FRAS1: variants seen among roughly 807,000 people sequenced by gnomAD.
The protein encoded by FRAS1 is extracellular matrix organizing protein FRAS1.
Under a neutral mutation model 435.2 loss-of-function variants are expected in FRAS1, and 290 were observed. That is an observed-to-expected ratio of 0.67 (90% CI 0.61 to 0.73). The LOEUF (loss-of-function observed/expected upper bound fraction) is 0.73. Among genes scored for constraint, FRAS1 ranks in the 30% least tolerant of loss-of-function variants. FRAS1 has a pLI of 0.00. For missense variants in FRAS1, 4,860 were observed against 5,001.5 expected (o/e 0.97, Z 0.85); for synonymous variants, 1,800 against 1,851.0 (o/e 0.97, Z 0.71).
intron 2 of FRAS1, among the ~76,000 whole-genome samples, chr4:78,222,392 T>A: frequency 6.6e-6 from 1 of 152,206 alleles, no homozygotes; most frequent in Non-Finnish European, 1.5e-5. Context: ...AAACTCATTG[T>A]CTTCTATTTC....
At position 78,499,880 on chromosome 4, in the gene FRAS1, T is replaced by C. The variant is rs756817820; in HGVS notation, c.9275T>C (p.Val3092Ala). The C allele has an allele frequency of 1.3e-6, 2 of 1,599,002 alleles. No homozygotes were observed. Among genetic ancestry groups the C allele is most frequent in the Non-Finnish European group, 1.7e-6 (2 of 1,169,462 alleles). The change falls in exon 61 of 74, where the codon GTG becomes GCG. Residue 3092 changes from valine to alanine, a missense_variant. Coordinates refer to ENST00000512123, the MANE Select transcript of FRAS1 (RefSeq NM_025074.7). ...CGGGATGGCTCTGCCCAGTCTGGTG[T>C]GGATTATTACCCAAAGAGCCGAGTC... ...STRDGSAQSGVDYYPKSRVLK... is the reference protein window; with the variant it reads ...STRDGSAQSGADYYPKSRVLK...
chr4:78,228,765 A>G lies in FRAS1; in HGVS notation c.109-8745A>G, dbSNP rs1578196521. On this transcript the variant is annotated intron_variant, in intron 2 of 73. Coordinates refer to ENST00000512123, the MANE Select transcript of FRAS1 (RefSeq NM_025074.7). ...CGAAAATATCGTGATCAACAGGCTTAGATTGTGGCAAGTGTCCGAGCTCAT... is the reference window on the plus strand; with the variant it reads ...CGAAAATATCGTGATCAACAGGCTTGGATTGTGGCAAGTGTCCGAGCTCAT... Among the ~76,000 whole-genome samples, 3 of 152,192 alleles carry G rather than the reference A, an allele frequency of 2.0e-5. No homozygotes were observed. The South Asian group carries it at 6.2e-4, about 31-fold the overall frequency.
At chr4:78,477,733 C>T (rs1041794982) in intron 54 of FRAS1, 82 bp from the exon 55 acceptor site, 1 of 1,519,268 alleles carries the variant, frequency 6.6e-7, no homozygotes, top group Admixed American at 2.0e-5. Context: ...GACTTGGATG[C>T]TCTTTTCCTA....
intron 55 of FRAS1, among the ~76,000 whole-genome samples, chr4:78,478,394 A>T (rs1442578637): frequency 1.3e-5 from 2 of 152,240 alleles, no homozygotes; most frequent in Admixed American, 6.5e-5. Flanking sequence ...ACCTTGGTCA[A>T]GGAGGGAAGT....
intron 52 of FRAS1, 31 bp from the exon 53 acceptor site, chr4:78,473,407 G>C: frequency 6.3e-7 from 1 of 1,597,380 alleles, no homozygotes; most frequent in Non-Finnish European, 8.6e-7. Context: ...ACATCCCTGG[G>C]TTAATTCACA....
intron 38 of FRAS1, 42 bp from the exon 39 acceptor site, chr4:78,438,528 G>A: frequency 6.2e-7 from 1 of 1,610,220 alleles, no homozygotes. Flanking sequence ...GTTTATTCCT[G>A]CAAATGTGCG....
chr4:78,085,084 A>G (rs1741080840), intron 2 of FRAS1, among the ~76,000 whole-genome samples: 1 of 152,088 alleles, frequency 6.6e-6, no homozygotes, highest in Admixed American at 6.6e-5. Context: ...TCAATGAAAA[A>G]ATTTTGGGGA....
At chr4:78,112,030 G>A (rs549206408) in intron 2 of FRAS1, among the ~76,000 whole-genome samples, 1 of 152,188 alleles carries the variant, frequency 6.6e-6, no homozygotes, top group Admixed American at 6.5e-5. Context: ...TCTTTGACAT[G>A]CCAGTTTTGT....
At chr4:78,273,530 T>C (rs192818424) in intron 9 of FRAS1, among the ~76,000 whole-genome samples, 20 of 152,358 alleles carry the variant, frequency 1.3e-4, no homozygotes, top group African/African-American at 3.8e-4. Flanking sequence ...TGAAGGGCTG[T>C]TGAATTTTGT....
chr4:78,524,888 A>G (rs1381036604), intron 69 of FRAS1, among the ~76,000 whole-genome samples: 4 of 152,148 alleles, frequency 2.6e-5, no homozygotes, highest in African/African-American at 9.7e-5. Context: ...GAGACATTAT[A>G]ATTTTAATTA....
chr4:78,256,725 CA>C (rs1725813695), intron 6 of FRAS1, among the ~76,000 whole-genome samples: 1 of 151,976 alleles, frequency 6.6e-6, no homozygotes, highest in Admixed American at 6.6e-5. Flanking sequence ...AATTTGGTAC[CA>C]TACTTTAGAG....
intron 30 of FRAS1, among the ~76,000 whole-genome samples, chr4:78,407,224 C>A: frequency 6.6e-6 from 1 of 152,164 alleles, no homozygotes; most frequent in Non-Finnish European, 1.5e-5. Context: ...TGAAAATTTT[C>A]CACTGAATTG....
chr4:78,180,285 C>T (rs1721943118), intron 2 of FRAS1, among the ~76,000 whole-genome samples: 3 of 151,824 alleles, frequency 2.0e-5, no homozygotes, highest in Admixed American at 1.3e-4. Flanking sequence ...TAACAGCTAT[C>T]ATGAGAAGTG....
rs71216219 is a variant in FRAS1, at chr4:78,518,422, GTATATATATA to G, written c.10390-887_10390-878del. Among the ~76,000 whole-genome samples the G allele has an allele frequency of 4.5e-3, 611 of 135,724 alleles. 2 individuals carry two copies. The highest frequency in any genetic ancestry group is 7.4e-3 in the Middle Eastern group (2 of 272). The allele number at this position is 135,724 out of a possible 152,430, so 89.0% of individuals were successfully genotyped here. On this transcript the variant is annotated intron_variant, in intron 66 of 73. Coordinates refer to ENST00000512123, the MANE Select transcript of FRAS1 (RefSeq NM_025074.7). The stretch of plus-strand genomic sequence containing the variant: ...GTTTTAAGCTAAGTTTTTTTGTTGT[GTATATATATA>G]TATATATATATATATATATATTTAT...
chr4:78,277,733 G>A lies in FRAS1; in HGVS notation c.982-922G>A, dbSNP rs561580089. Among the ~76,000 whole-genome samples the A allele has an allele frequency of 6.6e-5, 10 of 151,984 alleles. No homozygotes were observed. In the South Asian group the frequency reaches 1.0e-3, roughly 16 times the overall value. ...AAAATTTTAAAATTATTGATATTGG[G>A]AAATGAAAATGATAAGACTTGGAAA... On this transcript the variant is annotated intron_variant, in intron 9 of 73. Coordinates refer to ENST00000512123, the MANE Select transcript of FRAS1 (RefSeq NM_025074.7).
rs138007499 is a variant in FRAS1 at position 78,216,316 on chromosome 4, C to CT, written c.109-21193dup. On this transcript the variant is annotated intron_variant, in intron 2 of 73. Coordinates refer to ENST00000512123, the MANE Select transcript of FRAS1 (RefSeq NM_025074.7). ...ATTAACTCAGTATGGATGAATATAA[C>CT]TATTATTCTTTGTATTTTTGGTCAA... is the stretch of plus-strand genomic sequence containing the variant. Among the ~76,000 whole-genome samples the CT allele has an allele frequency of 8.7e-4, 133 of 152,314 alleles. 1 individual carries two copies. The highest frequency in any genetic ancestry group is 3.2e-3 in the African/African-American group (131 of 41,554).
At chr4:78,064,821 T>C (rs1739923309) in intron 1 of FRAS1, among the ~76,000 whole-genome samples, 1 of 151,814 alleles carries the variant, frequency 6.6e-6, no homozygotes, top group Non-Finnish European at 1.5e-5. Flanking sequence ...GTAAGCACTG[T>C]GGTAAAATAA....
chr4:78,368,582 A>G lies in FRAS1; in HGVS notation c.2723-1256A>G, dbSNP rs80083458. ...GATAACCAGCTAGGTGCTGACTAAC[A>G]TTACAAGGAACAAAACAGACCTGTT... On this transcript the variant is annotated intron_variant, in intron 22 of 73. Coordinates refer to ENST00000512123, the MANE Select transcript of FRAS1 (RefSeq NM_025074.7). Among the ~76,000 whole-genome samples, 104 of 152,348 alleles carry G rather than the reference A, an allele frequency of 6.8e-4. 1 individual carries two copies. In the Middle Eastern group the frequency reaches 0.027, roughly 40 times the overall value.
intron 14 of FRAS1, among the ~76,000 whole-genome samples, chr4:78,303,984 C>T (rs1728563932): frequency 6.6e-6 from 1 of 151,734 alleles, no homozygotes; most frequent in African/African-American, 2.4e-5. Context: ...ATGATATTGG[C>T]TGTGGGTTTG....
Sources: gnomAD v4.1 joint callset for allele counts (sites outside exome capture counted in the v4.1 genomes callset) on GRCh38, gnomAD v4.1.1 for gene constraint, MANE v1.5 for transcripts, NCBI Gene and HGNC (gene_info 2026-07-23, HGNC 2026-07-21) for gene names.